Variants in ACACB observed in about 807,000 individuals in gnomAD.
The protein encoded by ACACB is acetyl-CoA carboxylase beta.
ACACB carries 209 observed loss-of-function variants against 278.8 expected under a neutral mutation model. The observed-to-expected ratio is 0.75, with a 90% CI of 0.67 to 0.84. The LOEUF (loss-of-function observed/expected upper bound fraction) is 0.84. ACACB is among the 40% of genes least tolerant of loss of function. ACACB has a pLI of 0.00. For synonymous variants in ACACB, 1,174 were observed against 1,285.6 expected, an observed-to-expected ratio of 0.91 and a Z score of 1.86; for missense variants, 2,850 against 3,269.0, an observed-to-expected ratio of 0.87 and a Z score of 3.13.
In ACACB at chr12:109,201,691, A is replaced by C; in HGVS notation, c.2903A>C (p.Lys968Thr). 1 of 1,613,856 alleles carries C rather than the reference A, an allele frequency of 6.2e-7. No homozygotes were observed. The highest frequency in any genetic ancestry group is 8.5e-7 in the Non-Finnish European group (1 of 1,179,932). ...AGGCTGGAGCTCGATGACCCTTCTAAAGTCCACCCGGTATGTGGCTCCACG... is the reference window on the plus strand; with the variant it reads ...AGGCTGGAGCTCGATGACCCTTCTACAGTCCACCCGGTATGTGGCTCCACG... The part of the protein sequence containing the change: ...VARLELDDPS[K>T]VHPAEPFTGE... Residue 968 changes from lysine (K) to threonine (T), a missense_variant, in exon 19 of 53, where the codon AAA becomes ACA. Physicochemically the swap from Lys to Thr is moderately conservative, Grantham distance 78 (BLOSUM62 -1). This residue lies in a region of ACACB where 2,265 missense variants were observed against 2,561.3 expected (regional missense o/e 0.88). Transcript: ENST00000338432.
At chr12:109,188,214 CTT>C in intron 13 of ACACB, 52 bp downstream of exon 13, 1 of 1,416,042 alleles carries the variant, frequency 7.1e-7, no homozygotes, top group East Asian at 2.4e-5. Context: ...TCCTTCCTTC[CTT>C]CCTTCCTTCC....
chr12:109,148,956 A>T (rs1217742729), intron 2 of ACACB, among the ~76,000 whole-genome samples: 1 of 152,200 alleles, frequency 6.6e-6, no homozygotes, highest in Non-Finnish European at 1.5e-5. Flanking sequence ...TTTATAATGC[A>T]TTTTAACAAT....
chr12:109,139,730 G>C lies in ACACB; in HGVS notation c.325G>C (p.Ala109Pro), dbSNP rs758383786. The change falls in exon 2 of 53, where the codon GCA (alanine) becomes CCA (proline). Residue 109 changes from alanine to proline, a missense_variant. Ala to Pro is a conservative substitution (Grantham distance 27). Transcript: ENST00000338432. ...PPRNPLSSSD[A>P]APSPELQANG... ...AAGAAACCCCCTTTCTTCCAGTGAC[G>C]CAGCACCCTCCCCAGAGCTTCAAGC... 4 of 1,614,046 alleles carry C rather than the reference G, an allele frequency of 2.5e-6. No individual in the cohort carries two copies. Among genetic ancestry groups the C allele is most frequent in the Non-Finnish European group, 3.4e-6 (4 of 1,180,022 alleles).
intron 27 of ACACB, 24 bp from the exon 28 acceptor site, chr12:109,227,347 G>A: frequency 1.9e-6 from 3 of 1,598,232 alleles, no homozygotes; most frequent in Non-Finnish European, 2.6e-6. Context: ...CTGAGAGAAT[G>A]TCCGTGTGTT....
intron 50 of ACACB, 115 bp from the exon 51 acceptor site, chr12:109,264,995 G>A (rs2047475495): frequency 2.5e-6 from 3 of 1,197,014 alleles, no homozygotes; most frequent in Admixed American, 2.3e-5. Flanking sequence ...GATGATCTGG[G>A]AATGATCTCA....
At chr12:109,210,040 T>TATGTATATACACACAC (rs2045673943) in intron 21 of ACACB, among the ~76,000 whole-genome samples, 1 of 117,960 alleles carries the variant, frequency 8.5e-6, no homozygotes, top group African/African-American at 3.1e-5. Context: ...TATGTGTATA[T>TATGTATATACACACAC]GTGTATATAT....
chr12:109,124,708 G>C (rs2042635145), intron 1 of ACACB, among the ~76,000 whole-genome samples: 1 of 151,880 alleles, frequency 6.6e-6, no homozygotes, highest in Non-Finnish European at 1.5e-5. Flanking sequence ...TGTTGTTGTT[G>C]TTTCTGGTTT....
chr12:109,216,657 G>A lies in ACACB; in HGVS notation c.3390G>A (p.Val1130=), dbSNP rs1414947284. 1 of 1,614,214 alleles carries A rather than the reference G, an allele frequency of 6.2e-7. No individual in the cohort carries two copies. Among genetic ancestry groups the A allele is most frequent in the South Asian group, 1.1e-5 (1 of 91,082 alleles). ...TCCGCGGCTATATGAAAACAGTGGT[G>A]TTGGATCTCCTGAGAAGATACTTGC... ...SGIRGYMKTV[V]LDLLRRYLRV... is the part of the protein sequence containing the mutation. The change falls in exon 23 of 53, where the codon GTG becomes GTA. Residue 1130 remains valine (V), a synonymous_variant. Transcript: ENST00000338432.
At chr12:109,159,411 A>G (rs1305016787) in intron 2 of ACACB, among the ~76,000 whole-genome samples, 2 of 152,202 alleles carry the variant, frequency 1.3e-5, no homozygotes, top group Non-Finnish European at 2.9e-5. Context: ...GGGCTCCTGT[A>G]ATGCTATCCT....
intron 3 of ACACB, chr12:109,167,306 G>T: frequency 4.3e-6 from 1 of 233,252 alleles, no homozygotes; most frequent in Admixed American, 5.2e-5. Flanking sequence ...CACTGGGCTC[G>T]GCACAGTGGC....
At chr12:109,148,726 C>G (rs1264297577) in intron 2 of ACACB, among the ~76,000 whole-genome samples, 1 of 152,084 alleles carries the variant, frequency 6.6e-6, no homozygotes, top group Non-Finnish European at 1.5e-5. Context: ...ATATAACATG[C>G]TTAGAATAGT....
At chr12:109,148,614 T>A (rs1341377699) in intron 2 of ACACB, among the ~76,000 whole-genome samples, 1 of 152,220 alleles carries the variant, frequency 6.6e-6, no homozygotes, top group Non-Finnish European at 1.5e-5. Context: ...AATATTAATA[T>A]GATAATGTGG....
At chr12:109,195,612 T>G (rs2045094405) in intron 16 of ACACB, among the ~76,000 whole-genome samples, 1 of 152,228 alleles carries the variant, frequency 6.6e-6, no homozygotes. Flanking sequence ...TAGCAAATCT[T>G]TGTTATATAT....
intron 45 of ACACB, among the ~76,000 whole-genome samples, chr12:109,257,807 G>A (rs369885169): frequency 6.6e-6 from 1 of 152,214 alleles, no homozygotes; most frequent in South Asian, 2.1e-4. Context: ...CTGGACTCAA[G>A]CAATCCTCCT....
At position 109,262,983 on chromosome 12, in the gene ACACB, T is replaced by TA. The variant is rs1491252356; in HGVS notation, c.6787+514_6787+515insA. On this transcript the variant is annotated intron_variant, in intron 49 of 52. Transcript: ENST00000338432. ...ATATATATATATATATATATATATA[T>TA]TGCCATCGTGAATTTATTTCTCAGC... The TA allele has an allele frequency of 4.4e-4, 60 of 134,880 alleles. 1 individual carries two copies. Among genetic ancestry groups the TA allele is most frequent in the East Asian group, 1.3e-3 (6 of 4,594 alleles). 8.4% of individuals were successfully genotyped at this position (134,880 alleles called of 1,614,324 possible).
At chr12:109,198,786 A>T (rs74823714) in intron 17 of ACACB, among the ~76,000 whole-genome samples, 51 of 146,090 alleles carry the variant, frequency 3.5e-4, no homozygotes, top group East Asian at 1.6e-3. Context: ...ACGCCCAGCT[A>T]TTTTTTTTTT....
rs549728184 is a variant in ACACB at position 109,189,845 on chromosome 12, T to C, written c.2144+1683T>C. On this transcript the variant is annotated intron_variant, in intron 13 of 52. Transcript: ENST00000338432. ...AGCTTACTCGGCCAGGCACAGTGGC[T>C]CATGCCTGTAATCCCAGCACTTTGG... Among the ~76,000 whole-genome samples, 45 of 152,326 alleles carry C rather than the reference T, an allele frequency of 3.0e-4. No individual in the cohort carries two copies. In the South Asian group the frequency reaches 8.3e-3, roughly 28 times the overall value.
chr12:109,120,231 A>G (rs2042511816), intron 1 of ACACB, among the ~76,000 whole-genome samples: 1 of 152,214 alleles, frequency 6.6e-6, no homozygotes, highest in South Asian at 2.1e-4. Flanking sequence ...ACAGGCCTCC[A>G]GGGCCAATCA....
chr12:109,257,669 C>G (rs2047264780), intron 45 of ACACB, among the ~76,000 whole-genome samples: 1 of 152,194 alleles, frequency 6.6e-6, no homozygotes, highest in African/African-American at 2.4e-5. Context: ...CTCCTGGGCT[C>G]AAGCAATCCT....
Sources: gnomAD v4.1 joint callset for allele counts (sites outside exome capture counted in the v4.1 genomes callset) on GRCh38, gnomAD v4.1.1 for gene constraint, gnomAD v4.1.1 regional missense constraint, MANE v1.5 for transcripts, NCBI Gene and HGNC (gene_info 2026-07-23, HGNC 2026-07-21) for gene names.